The following TMEM201 variants were observed in gnomAD, a reference collection of about 807,000 sequenced individuals.
The protein encoded by TMEM201 is RP13-15M17.2.
TMEM201 carries 26 observed loss-of-function variants against 63.4 expected under a neutral mutation model. The observed-to-expected ratio is 0.41, with a 90% confidence interval of 0.30 to 0.57. The LOEUF is 0.57. Among genes scored for constraint, TMEM201 ranks in the 20% least tolerant of loss-of-function variants. The pLI is 0.29. For missense variants in TMEM201, 794 were observed against 917.7 expected (o/e 0.87, Z 1.74); for synonymous variants, 417 against 421.6 (o/e 0.99, Z 0.14).
chr1:9,606,211 G>A (rs1189204913), intron 6 of TMEM201: 2 of 152,234 alleles, frequency 1.3e-5, no homozygotes, highest in African/African-American at 2.4e-5. Context: ...GAGTCTTGGG[G>A]GCAAGCAGCG....
In TMEM201 at chr1:9,609,377, G is replaced by A. The variant is rs12058108; in HGVS notation, c.1394-463G>A. Among the ~76,000 whole-genome samples, 1,321 of 152,352 alleles carry A rather than the reference G, an allele frequency of 8.7e-3. 13 individuals carry two copies. The highest frequency in any genetic ancestry group is 0.03 in the African/African-American group (1,238 of 41,578). ...TGCGCCTGATTTAGGAAAAGGCAGC[G>A]TGGTTGGTGATCCCTGGGATCGAGA... On this transcript the variant is annotated intron_variant, in intron 7 of 10. Transcript: ENST00000340381.
At chr1:9,601,987 A>T (rs1644151410) in intron 5 of TMEM201, 82 bp from the exon 6 acceptor site, 23 of 1,493,920 alleles carry the variant, frequency 1.5e-5, no homozygotes, top group Non-Finnish European at 2.0e-5. Context: ...AGGGCCAGGT[A>T]TAGACAGAGG....
rs145654090 is a variant in TMEM201 at position 9,593,284 on chromosome 1, G to A, written c.114-2606G>A. On this transcript the variant is annotated intron_variant, in intron 1 of 10. Coordinates refer to ENST00000340381, the MANE Select transcript of TMEM201 (RefSeq NM_001130924.3). ...ATGTGGTCATGTGTCTGACGCCGCC[G>A]TGCTGGTGCCTGGGGGACCTGCAAT... Among the ~76,000 whole-genome samples, 1,330 of 152,316 alleles carry A rather than the reference G, an allele frequency of 8.7e-3. 21 individuals carry two copies. Among genetic ancestry groups the A allele is most frequent in the African/African-American group, 0.03 (1,241 of 41,566 alleles).
At position 9,604,459 on chromosome 1, in the gene TMEM201, C is replaced by T; in HGVS notation, c.1160+2187C>T. The T allele has an allele frequency of 9.1e-6, 9 of 985,446 alleles. No individual in the cohort carries two copies. The highest frequency in any genetic ancestry group is 1.1e-5 in the Non-Finnish European group (9 of 829,938). 61.0% of individuals were successfully genotyped at this position (985,446 alleles called of 1,614,324 possible). A position where few individuals can be genotyped will look rare whatever the true frequency, so the allele number is the denominator to read the frequency against. ...TCACTACGTGGAGAAAATTCCAGCACCAAGTGTTGTGGCAACAGCTGAGAG... is the reference window on the plus strand; with the variant it reads ...TCACTACGTGGAGAAAATTCCAGCATCAAGTGTTGTGGCAACAGCTGAGAG... On this transcript the variant is annotated intron_variant, in intron 6 of 10. Transcript: ENST00000340381. This position sits in a 1 kb window ranked among gnomAD's most constrained non-coding sequence, Gnocchi z 4.1.
At chr1:9,598,188 G>A (rs1168091281) in intron 3 of TMEM201, among the ~76,000 whole-genome samples, 1 of 152,214 alleles carries the variant, frequency 6.6e-6, no homozygotes. Flanking sequence ...TGCGTCCCTG[G>A]AGCAACAGAA....
At chr1:9,609,458 A>G (rs1002956721) in intron 7 of TMEM201, among the ~76,000 whole-genome samples, 4 of 152,190 alleles carry the variant, frequency 2.6e-5, no homozygotes, top group Non-Finnish European at 5.9e-5. Context: ...ATGGCTGGAA[A>G]AGCAGGCCCT....
intron 1 of TMEM201, among the ~76,000 whole-genome samples, chr1:9,590,167 G>A (rs1643895769): frequency 6.6e-6 from 1 of 152,148 alleles, no homozygotes; most frequent in South Asian, 2.1e-4. Context: ...AGTGACCCCA[G>A]CCCAGAGGTC....
chr1:9,613,014 C>A lies in TMEM201; in HGVS notation c.1932C>A (p.Gly644=). ...GTTTCGGCCCTTCCCTGGTCCGGGGCCTCCTGGCCGTGAGCTTGGCCGCCA... is the reference window on the plus strand; with the variant it reads ...GTTTCGGCCCTTCCCTGGTCCGGGGACTCCTGGCCGTGAGCTTGGCCGCCA... ...RGRFGPSLVR[G]LLAVSLAANA... Residue 644 remains glycine (G), a synonymous_variant, in exon 11 of 11, where the codon GGC becomes GGA. Transcript: ENST00000340381. 1 of 1,551,528 alleles carries A rather than the reference C, an allele frequency of 6.4e-7. No homozygotes were observed. The highest frequency in any genetic ancestry group is 8.7e-7 in the Non-Finnish European group (1 of 1,146,946).
chr1:9,596,823 G>A, intron 2 of TMEM201, 36 bp from the exon 3 acceptor site: 2 of 1,551,132 alleles, frequency 1.3e-6, no homozygotes, highest in African/African-American at 2.7e-5. Context: ...CAGCTGGGAG[G>A]GCCTGCCTGC....
chr1:9,601,588 T>TTGG lies in TMEM201; in HGVS notation c.956+136_956+138dup, dbSNP rs145579011. 2,859 of 927,460 alleles carry TTGG rather than the reference T, an allele frequency of 3.1e-3. 66 individuals carry two copies. The African/African-American group carries it at 0.043, about 14-fold the overall frequency. The allele number at this position is 927,460 out of a possible 1,614,324, so 57.5% of individuals were successfully genotyped here. On this transcript the variant is annotated intron_variant, in intron 5 of 10. Coordinates refer to ENST00000340381, the MANE Select transcript of TMEM201 (RefSeq NM_001130924.3). ...CTCCACCATGTCACTGGTACAAGGC[T>TTGG]TGGTCCCAGGGGCTGGGAGTCGTAG... is the stretch of plus-strand genomic sequence containing the variant.
intron 7 of TMEM201, among the ~76,000 whole-genome samples, chr1:9,609,060 C>T (rs952946067): frequency 5.9e-5 from 9 of 152,206 alleles, no homozygotes; most frequent in Admixed American, 2.0e-4. Flanking sequence ...GTCCTCAGTC[C>T]GCTTCTCTGC....
rs377549648 is a variant in TMEM201, at chr1:9,613,089, C to T, written c.*6C>T. On this transcript the variant is annotated 3_prime_UTR_variant, in exon 11 of 11. Transcript: ENST00000340381. The stretch of plus-strand genomic sequence containing the variant: ...TGTACCAGAGCCTGCGCTGACCCAC[C>T]GTTGGAGCCCCTCGGAGGGGAGCAA... 8.4e-6 allele frequency: 13 copies of T among 1,550,190 alleles called. No individual in the cohort carries two copies. Among genetic ancestry groups the T allele is most frequent in the South Asian group, 3.6e-5 (3 of 84,070 alleles).
chr1:9,611,198 C>CT, intron 9 of TMEM201: 2 of 457,114 alleles, frequency 4.4e-6, no homozygotes, highest in East Asian at 8.5e-5. Flanking sequence ...TTGTAGATTT[C>CT]CTTTTTTTTT....
chr1:9,601,194 G>A lies in TMEM201; in HGVS notation c.696G>A (p.Ala232=), dbSNP rs751890846. Residue 232 remains alanine (A), a synonymous_variant, in exon 5 of 11, where the codon GCG becomes GCA. Transcript: ENST00000340381. ...FLACAFLLTT[A]LYGASGHFAP... is the part of the protein sequence containing the mutation. ...CCTGCGCCTTCCTACTGACCACCGC[G>A]CTGTATGGGGCCAGCGGACACTTCG... The A allele has an allele frequency of 1.4e-5, 22 of 1,612,710 alleles. No homozygotes were observed. The highest frequency in any genetic ancestry group is 6.6e-5 in the South Asian group (6 of 91,070).
At chr1:9,597,126 G>A (rs934223930) in intron 3 of TMEM201, 73 bp downstream of exon 3, 45 of 1,497,728 alleles carry the variant, frequency 3.0e-5, no homozygotes, top group African/African-American at 2.8e-4. Context: ...GGACAGGCAC[G>A]TGCAGGGTGC....
chr1:9,610,019 G>C lies in TMEM201; in HGVS notation c.1465+108G>C. 3 of 1,065,886 alleles carry C rather than the reference G, an allele frequency of 2.8e-6. No homozygotes were observed. The highest frequency in any genetic ancestry group is 2.6e-5 in the East Asian group (1 of 38,346). 66.0% of individuals were successfully genotyped at this position (1,065,886 alleles called of 1,614,324 possible). A position where few individuals can be genotyped will look rare whatever the true frequency, so the allele number is the denominator to read the frequency against. On this transcript the variant is annotated intron_variant, in intron 8 of 10. Coordinates refer to ENST00000340381, the MANE Select transcript of TMEM201 (RefSeq NM_001130924.3). The surrounding 1 kb of genome is among the most constrained non-coding windows in gnomAD (Gnocchi z 4.9). ...GGGGTCAGACAGACCCCAAGTGTGT[G>C]TTCACATCTCAGCCCTGGGCAAGTG...
At chr1:9,597,503 G>A (rs1163902143) in intron 3 of TMEM201, among the ~76,000 whole-genome samples, 5 of 152,192 alleles carry the variant, frequency 3.3e-5, no homozygotes, top group Non-Finnish European at 5.9e-5. Context: ...GATGCCACTG[G>A]CTTCTGGGAG....
chr1:9,591,523 G>C (rs573962676), intron 1 of TMEM201, among the ~76,000 whole-genome samples: 6 of 152,220 alleles, frequency 3.9e-5, no homozygotes, highest in Non-Finnish European at 7.3e-5. Flanking sequence ...AGGCCTCCCT[G>C]TCCCCTGGAC....
intron 1 of TMEM201, among the ~76,000 whole-genome samples, chr1:9,592,008 T>G (rs901508994): frequency 6.6e-6 from 1 of 152,196 alleles, no homozygotes; most frequent in Non-Finnish European, 1.5e-5. Flanking sequence ...CAGCCTAGGG[T>G]GGTGCTTGCT....
Sources: gnomAD v4.1 joint callset for allele counts (sites outside exome capture counted in the v4.1 genomes callset) on GRCh38, gnomAD v4.1.1 for gene constraint, Gnocchi (gnomAD v3.1) non-coding constraint, MANE v1.5 for transcripts, NCBI Gene and HGNC (gene_info 2026-07-23, HGNC 2026-07-21) for gene names.